EXOC3L4: variants seen among roughly 807,000 people sequenced by gnomAD.
EXOC3L4 encodes exocyst complex component 3-like protein 4.
In EXOC3L4, 62 loss-of-function variants were observed where a neutral mutation model predicts 69.7. That is an observed-to-expected ratio of 0.89 (90% CI 0.72 to 1.10). The LOEUF (loss-of-function observed/expected upper bound fraction) is 1.10, where lower values mean the gene tolerates loss of function less well. EXOC3L4 is among the 50% of genes least tolerant of loss of function. The pLI, the probability that EXOC3L4 is intolerant of heterozygous loss-of-function variation, is 0.00. For synonymous variants in EXOC3L4, 502 were observed against 464.2 expected (o/e 1.08, Z -1.05); for missense variants, 1,087 against 1,034.8 (o/e 1.05, Z -0.69).
intron 1 of EXOC3L4, among the ~76,000 whole-genome samples, chr14:103,099,068 G>A (rs1280729219): frequency 6.6e-6 from 1 of 152,216 alleles, no homozygotes; most frequent in African/African-American, 2.4e-5. Flanking sequence ...CCAAGGGTTG[G>A]GTGGTGGGTC....
Position 103,104,390 on chromosome 14 carries a change from G to C in EXOC3L4, c.1284+1G>C. 6.4e-7 allele frequency: 1 copy of C among 1,563,546 alleles called. No homozygotes were observed. The highest frequency in any genetic ancestry group is 8.6e-7 in the Non-Finnish European group (1 of 1,156,568). On this transcript the variant is annotated splice_donor_variant, in intron 5 of 11. Transcript: ENST00000688303. LOFTEE classifies it high-confidence loss of function. ...GCCGCTGTCCATGGACGTCCATATG[G>C]TGCGGCCCGGGAGCAGGGGCTGAGA...
chr14:103,099,699 A>C (rs1890067313), intron 1 of EXOC3L4, among the ~76,000 whole-genome samples: 1 of 151,892 alleles, frequency 6.6e-6, no homozygotes, highest in Admixed American at 6.5e-5. Flanking sequence ...CAAAGTAGTC[A>C]GGCCTTTTGG....
At chr14:103,100,070 G>C in intron 1 of EXOC3L4, 134 bp from the exon 2 acceptor site, 1 of 977,770 alleles carries the variant, frequency 1.0e-6, no homozygotes, top group Non-Finnish European at 1.4e-6. Context: ...GCCTGGTGAT[G>C]CTTCCTTTTG....
At position 103,102,285 on chromosome 14, in the gene EXOC3L4, G is replaced by A; in HGVS notation, c.562G>A (p.Gly188Arg). 3 of 1,578,650 alleles carry A rather than the reference G, an allele frequency of 1.9e-6. No individual in the cohort carries two copies. Among genetic ancestry groups the A allele is most frequent in the Non-Finnish European group, 2.6e-6 (3 of 1,166,810 alleles). ...TATGGACGTGTGCCTGCTTTACGAC[G>A]GGCTGGCAGCCGAGATCGGCGCCAT... is the stretch of plus-strand genomic sequence containing the variant. ...RAMDVCLLYD[G>R]LAAEIGAIVR... is the part of the protein sequence containing the mutation. The change falls in exon 3 of 12, where the codon GGG (glycine) becomes AGG (arginine). Residue 188 changes from glycine (G) to arginine (R), a missense_variant. Physicochemically the swap from Gly to Arg is moderately radical, Grantham distance 125. Transcript: ENST00000688303.
chr14:103,102,424 T>G lies in EXOC3L4; in HGVS notation c.701T>G (p.Phe234Cys), dbSNP rs774787403. Residue 234 changes from phenylalanine (F) to cysteine (C), a missense_variant, in exon 3 of 12, where the codon TTC (phenylalanine) becomes TGC (cysteine). Phe to Cys is a radical substitution (Grantham distance 205). Coordinates refer to ENST00000688303, the MANE Select transcript of EXOC3L4 (RefSeq NM_001077594.2). The stretch of plus-strand genomic sequence containing the variant: ...CCTTCTCCCCCCGACGACGGCGACT[T>G]CCTGCGCACGCCGCGCCGCTGGCGC... ...AHPSPPDDGD[F>C]LRTPRRWRQH... 1.7e-5 allele frequency: 26 copies of G among 1,523,862 alleles called. No homozygotes were observed. Among genetic ancestry groups the G allele is most frequent in the African/African-American group, 1.6e-4 (11 of 69,910 alleles). The allele number at this position is 1,523,862 out of a possible 1,614,324, so 94.4% of individuals were successfully genotyped here.
chr14:103,109,900 C>G lies in EXOC3L4; in HGVS notation c.1977-131C>G. 3.0e-6 allele frequency: 3 copies of G among 1,014,974 alleles called. No homozygotes were observed. The East Asian group carries it at 8.2e-5, about 28-fold the overall frequency. The allele number at this position is 1,014,974 out of a possible 1,614,324, so 62.9% of individuals were successfully genotyped here. A position where few individuals can be genotyped will look rare whatever the true frequency, so the allele number is the denominator to read the frequency against. ...ACAGCTCTTCCTGGCCTCAGTCAAT[C>G]TGACCTCCCTGACCATCCTGGAATG... On this transcript the variant is annotated intron_variant, in intron 11 of 11. Transcript: ENST00000688303.
intron 1 of EXOC3L4, among the ~76,000 whole-genome samples, chr14:103,096,087 C>T (rs1384607299): frequency 6.6e-6 from 1 of 152,160 alleles, no homozygotes; most frequent in East Asian, 1.9e-4. Context: ...CATGGTGGCT[C>T]ACTCCTGTAA....
rs1331922346 is a variant in EXOC3L4 at position 103,107,775 on chromosome 14, C to T, written c.1846C>T (p.Gln616Ter). 11 of 1,524,706 alleles carry T rather than the reference C, an allele frequency of 7.2e-6. No homozygotes were observed. The highest frequency in any genetic ancestry group is 1.2e-5 in the South Asian group (1 of 81,126). 94.4% of individuals were successfully genotyped at this position (1,524,706 alleles called of 1,614,324 possible). Residue 616 changes from glutamine (Q) to a stop codon, truncating the protein, a stop_gained, in exon 10 of 12, where the codon CAG (glutamine) becomes TAG (stop). Coordinates refer to ENST00000688303, the MANE Select transcript of EXOC3L4 (RefSeq NM_001077594.2). LOFTEE classifies it high-confidence loss of function. ...TGCCCAGGCCATCAGCGACACCTTC[C>T]AGGGCCTGGTAGGGGCGGCATGACT... is the stretch of plus-strand genomic sequence containing the variant. ...LDAQAISDTF[Q>*]GLGSEATWLD...
intron 1 of EXOC3L4, among the ~76,000 whole-genome samples, chr14:103,095,647 G>A (rs1272539653): frequency 6.6e-6 from 1 of 152,222 alleles, no homozygotes; most frequent in Non-Finnish European, 1.5e-5. Flanking sequence ...TAAGGATGGA[G>A]CTGTGCTTCT....
chr14:103,096,139 G>A (rs1276373928), intron 1 of EXOC3L4, among the ~76,000 whole-genome samples: 1 of 152,064 alleles, frequency 6.6e-6, no homozygotes, highest in Non-Finnish European at 1.5e-5. Context: ...ATTATTTGAG[G>A]CCAGAAGTTT....
At chr14:103,103,354 C>CAAAAAAAAAAAAAAAAAAA (rs3070496) in intron 3 of EXOC3L4, among the ~76,000 whole-genome samples, 1 of 94,908 alleles carries the variant, frequency 1.1e-5, no homozygotes, top group Admixed American at 1.1e-4. Flanking sequence ...GACTCTGTCT[C>CAAAAAAAAAAAAAAAAAAA]AAAAAAAAAA....
rs772091584 is a variant in EXOC3L4 at position 103,105,085 on chromosome 14, C to A, written c.1466+13C>A. The A allele has an allele frequency of 4.4e-6, 7 of 1,588,738 alleles. No homozygotes were observed. The Admixed American group carries it at 8.9e-5, about 20-fold the overall frequency. ...GCGAGGAGCTCAGGTAGGGCTCGCC[C>A]GCTCCTGTGCGGGCGCAGCGTGGCC... On this transcript the variant is annotated intron_variant, in intron 7 of 11. Coordinates refer to ENST00000688303, the MANE Select transcript of EXOC3L4 (RefSeq NM_001077594.2).
chr14:103,103,987 C>G lies in EXOC3L4; in HGVS notation c.1096C>G (p.Leu366Val). The change falls in exon 4 of 12, where the codon CTG (leucine) becomes GTG (valine). Residue 366 changes from leucine (L) to valine (V), a missense_variant. Transcript: ENST00000688303. ...APGLALPAEP[L>V]PPLLAPDVWA... ...GGGGCTGGCGCTGCCCGCCGAGCCG[C>G]TGCCTCCGCTCCTGGCGCCGGACGT... 1 of 1,571,296 alleles carries G rather than the reference C, an allele frequency of 6.4e-7. No homozygotes were observed. Among genetic ancestry groups the G allele is most frequent in the Non-Finnish European group, 8.6e-7 (1 of 1,164,150 alleles).
rs1889953755 is a variant in EXOC3L4, at chr14:103,097,602, G to C, written c.-16-2602G>C. Among the ~76,000 whole-genome samples, 1 of 152,208 alleles carries C rather than the reference G, an allele frequency of 6.6e-6. No homozygotes were observed. Among genetic ancestry groups the C allele is most frequent in the Non-Finnish European group, 1.5e-5 (1 of 68,032 alleles). On this transcript the variant is annotated intron_variant, in intron 1 of 11. Transcript: ENST00000688303. This position sits in a 1 kb window ranked among gnomAD's most constrained non-coding sequence, Gnocchi z 4.9. ...TCCGCCTGCTTCCAGGCTGTGCTCA[G>C]GGGTGACCGGGGTAGATGGACAGAG...
intron 8 of EXOC3L4, among the ~76,000 whole-genome samples, 191 bp from the exon 9 acceptor site, chr14:103,107,233 C>G (rs1164676935): frequency 6.6e-6 from 1 of 152,240 alleles, no homozygotes; most frequent in Non-Finnish European, 1.5e-5. Flanking sequence ...GACTCAAACC[C>G]TGCCCCTAGA....
chr14:103,104,696 C>A, intron 5 of EXOC3L4, 42 bp from the exon 6 acceptor site: 1 of 1,432,156 alleles, frequency 7.0e-7, no homozygotes, highest in South Asian at 1.4e-5. Flanking sequence ...GGCCTCAGGT[C>A]GGGGGCTGGG....
chr14:103,102,865 T>A (rs1292115363), intron 3 of EXOC3L4, 93 bp downstream of exon 3: 5 of 1,197,492 alleles, frequency 4.2e-6, no homozygotes, highest in Non-Finnish European at 5.4e-6. Context: ...CGGACCTTTC[T>A]TCTCTGTTCC....
In EXOC3L4 at chr14:103,106,847, C is replaced by T. The variant is rs1280404014; in HGVS notation, c.1529C>T (p.Ala510Val). The stretch of plus-strand genomic sequence containing the variant: ...GAGCTGGAGAAGCCCCTGGTGACGG[C>T]CACCTGCAGCTTCCAGAAGCACTTG... ...QEELEKPLVTATCSFQKHLLQ... is the reference protein window; with the variant it reads ...QEELEKPLVTVTCSFQKHLLQ... Residue 510 changes from alanine to valine, a missense_variant, in exon 8 of 12, where the codon GCC becomes GTC. By Grantham distance (64) the Ala-to-Val change is moderately conservative. Coordinates refer to ENST00000688303, the MANE Select transcript of EXOC3L4 (RefSeq NM_001077594.2). 1.3e-6 allele frequency: 2 copies of T among 1,594,098 alleles called. No individual in the cohort carries two copies. The highest frequency in any genetic ancestry group is 1.1e-5 in the South Asian group (1 of 87,890).
At chr14:103,104,079 G>T in intron 4 of EXOC3L4, 27 bp downstream of exon 4, 1 of 1,521,672 alleles carries the variant, frequency 6.6e-7, no homozygotes. Context: ...CAGGCTGGGC[G>T]GGCCAGGCTG....
Sources: allele counts gnomAD v4.1 joint callset (sites outside exome capture counted in the v4.1 genomes callset), GRCh38; gene constraint gnomAD v4.1.1; non-coding constraint Gnocchi (gnomAD v3.1); transcripts MANE v1.5; gene names NCBI Gene and HGNC (gene_info 2026-07-23, HGNC 2026-07-21).